Variants in QSER1 observed in about 807,000 individuals in gnomAD.
QSER1 encodes the protein glutamine and serine-rich protein 1.
A neutral mutation model predicts 158.5 loss-of-function variants in QSER1; 49 were observed. The ratio of observed to expected loss-of-function variants is 0.31; its 90% CI spans 0.25 to 0.39. The LOEUF (loss-of-function observed/expected upper bound fraction) is 0.39, where lower values mean the gene tolerates loss of function less well. QSER1 is among the 10% of genes least tolerant of loss of function. The pLI is 1.00. For synonymous variants in QSER1, 650 were observed against 715.5 expected (o/e 0.91, Z 1.46); for missense variants, 1,754 against 2,010.3 (o/e 0.87, Z 2.44).
intron 1 of QSER1, among the ~76,000 whole-genome samples, chr11:32,919,008 T>A (rs1851869262): frequency 1.3e-5 from 2 of 152,214 alleles, no homozygotes; most frequent in African/African-American, 4.8e-5. Context: ...GTATGGGACA[T>A]TTGTTACAGT....
chr11:32,954,091 A>T lies in QSER1; in HGVS notation c.4412A>T (p.Asp1471Val). ...ACTGTTGCCATAGAAGGTTTTACAG[A>T]TGAGGAGGACACAGAAAGCGGAGGA... ...QDTVAIEGFT[D>V]EEDTESGGEG... is the part of the protein sequence containing the mutation. The change falls in exon 5 of 13, where the codon GAT becomes GTT. Residue 1471 changes from aspartate to valine, a missense_variant. Around this residue, in one of 2 missense-constraint regions of QSER1, gnomAD observed 1,707 missense variants for 1,919.6 expected, o/e 0.89. Coordinates refer to ENST00000650167, the MANE Select transcript of QSER1 (RefSeq NM_001076786.3). The T allele has an allele frequency of 6.2e-7, 1 of 1,614,192 alleles. No homozygotes were observed. Among genetic ancestry groups the T allele is most frequent in the Non-Finnish European group, 8.5e-7 (1 of 1,180,038 alleles).
Position 32,933,478 on chromosome 11 carries a change from C to T in QSER1, c.2220C>T (p.Ile740=). 1.2e-6 allele frequency: 2 copies of T among 1,611,800 alleles called. No homozygotes were observed. Among genetic ancestry groups the T allele is most frequent in the Non-Finnish European group, 1.7e-6 (2 of 1,179,194 alleles). The change falls in exon 4 of 13, where the codon ATC becomes ATT. Residue 740 remains isoleucine, a synonymous_variant. Coordinates refer to ENST00000650167, the MANE Select transcript of QSER1 (RefSeq NM_001076786.3). ...ATGACAGATATTCTCAGAGTGTAAT[C>T]AGAAGTAATTCCCGTCTTGAAGATC... is the stretch of plus-strand genomic sequence containing the variant. ...KADDRYSQSV[I]RSNSRLEDQV...
Position 32,977,944 on chromosome 11 carries a change from A to G in QSER1, c.*1470A>G, listed in dbSNP as rs1475269127. The G allele has an allele frequency of 6.6e-6, 1 of 152,592 alleles. No individual in the cohort carries two copies. The highest frequency in any genetic ancestry group is 1.5e-5 in the Non-Finnish European group (1 of 68,028). 9.5% of individuals were successfully genotyped at this position (152,592 alleles called of 1,614,324 possible). A position where few individuals can be genotyped will look rare whatever the true frequency, so the allele number is the denominator to read the frequency against. On this transcript the variant is annotated 3_prime_UTR_variant, in exon 13 of 13. Transcript: ENST00000650167. Reference sequence around the variant, plus strand: ...GGATATTGCTATTGTCTTGCTTTTGAGTTAACAGGCCAACTTTTTATACTT... The same window carrying G: ...GGATATTGCTATTGTCTTGCTTTTGGGTTAACAGGCCAACTTTTTATACTT...
intron 1 of QSER1, among the ~76,000 whole-genome samples, chr11:32,924,391 A>C (rs1253477817): frequency 4.0e-5 from 6 of 151,852 alleles, no homozygotes; most frequent in Non-Finnish European, 7.4e-5. Flanking sequence ...AACATGGACA[A>C]GCTTTGTCTC....
chr11:32,916,193 G>A (rs911634643), intron 1 of QSER1, among the ~76,000 whole-genome samples: 3 of 152,138 alleles, frequency 2.0e-5, no homozygotes, highest in Non-Finnish European at 4.4e-5. Context: ...GAGCCACCGC[G>A]CTCGGCTGGA....
intron 1 of QSER1, among the ~76,000 whole-genome samples, chr11:32,926,300 G>C (rs1194009582): frequency 6.6e-6 from 1 of 152,128 alleles, no homozygotes. Context: ...ACTGGAATAT[G>C]ACCTATATAT....
At chr11:32,924,907 G>A (rs1249975592) in intron 1 of QSER1, among the ~76,000 whole-genome samples, 1 of 152,074 alleles carries the variant, frequency 6.6e-6, no homozygotes, top group Non-Finnish European at 1.5e-5. Flanking sequence ...GTAGCCCCCA[G>A]TTTCTATTAT....
Position 32,944,214 on chromosome 11 carries a change from G to GT in QSER1, c.4177+8785dup, listed in dbSNP as rs536609747. ...CCTGGATTCATTAATTTTTTGAAGG[G>GT]TTTTTTGTGTCTCTATTTCCTTCAG... On this transcript the variant is annotated intron_variant, in intron 4 of 12. Transcript: ENST00000650167. Among the ~76,000 whole-genome samples, 974 of 150,700 alleles carry GT rather than the reference G, an allele frequency of 6.5e-3. 9 individuals are homozygous for GT. The highest frequency in any genetic ancestry group is 0.023 in the African/African-American group (935 of 41,134).
At chr11:32,971,890 CA>C (rs1852866060) in intron 10 of QSER1, among the ~76,000 whole-genome samples, 1 of 151,926 alleles carries the variant, frequency 6.6e-6, no homozygotes, top group African/African-American at 2.4e-5. Context: ...AGAGAAACCC[CA>C]TCTCTACTAA....
intron 11 of QSER1, among the ~76,000 whole-genome samples, chr11:32,974,605 T>A (rs1852938187): frequency 6.6e-6 from 1 of 152,158 alleles, no homozygotes; most frequent in African/African-American, 2.4e-5. Flanking sequence ...AGAGATAGAT[T>A]TGTTCATTCT....
chr11:32,950,491 T>C (rs1021317439), intron 4 of QSER1, among the ~76,000 whole-genome samples: 1 of 152,244 alleles, frequency 6.6e-6, no homozygotes, highest in Non-Finnish European at 1.5e-5. Context: ...ATGTTATTTA[T>C]ATTTGTTCCT....
At chr11:32,963,974 T>C (rs1167248495) in intron 8 of QSER1, among the ~76,000 whole-genome samples, 1 of 152,156 alleles carries the variant, frequency 6.6e-6, no homozygotes, top group Non-Finnish European at 1.5e-5. Context: ...GCCCTAAGAC[T>C]GTTCTGGTTG....
chr11:32,957,782 TCTC>T (rs1336113413), intron 7 of QSER1, 84 bp from the exon 8 acceptor site: 133 of 1,067,062 alleles, frequency 1.2e-4, no homozygotes, highest in Admixed American at 6.9e-4. Context: ...TAGATAATCT[TCTC>T]CTGTGATTCT....
At chr11:32,966,572 T>C in intron 9 of QSER1, 135 bp downstream of exon 9, 2 of 702,088 alleles carry the variant, frequency 2.8e-6, no homozygotes, top group Non-Finnish European at 4.2e-6. Context: ...ATATAGCATC[T>C]TAATTCCATA....
chr11:32,946,935 G>A (rs1236653929), intron 4 of QSER1, among the ~76,000 whole-genome samples: 7 of 152,234 alleles, frequency 4.6e-5, no homozygotes, highest in East Asian at 1.9e-4. Context: ...CTCGTGGTGC[G>A]CCGTTTTTTA....
rs535752915 is a variant in QSER1, at chr11:32,903,800, T to G, written c.209+10466T>G. On this transcript the variant is annotated intron_variant, in intron 1 of 12. Coordinates refer to ENST00000650167, the MANE Select transcript of QSER1 (RefSeq NM_001076786.3). ...CTAATTTTTGTATTTTTAGTAGAGA[T>G]AGTGTTTCACTGTGTTGGGCAGGCT... Among the ~76,000 whole-genome samples, 10 of 152,146 alleles carry G rather than the reference T, an allele frequency of 6.6e-5. No homozygotes were observed. The East Asian group carries it at 1.4e-3, about 21-fold the overall frequency.
At chr11:32,909,856 G>A (rs1851744342) in intron 1 of QSER1, among the ~76,000 whole-genome samples, 1 of 152,232 alleles carries the variant, frequency 6.6e-6, no homozygotes, top group Admixed American at 6.5e-5. Flanking sequence ...GGTGTATTTT[G>A]ATTTTAGGAT....
Position 32,966,436 on chromosome 11 carries a change from T to C in QSER1, c.5106T>C (p.Asn1702=), listed in dbSNP as rs766460972. 1 of 1,610,858 alleles carries C rather than the reference T, an allele frequency of 6.2e-7. No homozygotes were observed. Among genetic ancestry groups the C allele is most frequent in the Non-Finnish European group, 8.5e-7 (1 of 1,179,046 alleles). The change falls in exon 9 of 13, where the codon AAT becomes AAC. Residue 1702 remains asparagine (N), a splice_region_variant and synonymous_variant. Coordinates refer to ENST00000650167, the MANE Select transcript of QSER1 (RefSeq NM_001076786.3). The part of the protein sequence containing the change: ...PDTMQALEKS[N]DELLLPHMKK... Reference sequence around the variant, plus strand: ...CAATGCAAGCCTTAGAGAAGAGCAATGGTACAGTCTTCTAAGTAGTACTTC... The same window carrying C: ...CAATGCAAGCCTTAGAGAAGAGCAACGGTACAGTCTTCTAAGTAGTACTTC...
rs768211652 is a variant in QSER1, at chr11:32,976,517, G to A, written c.*43G>A. ...CATCTTTTTATAGCACTAATGAAAT[G>A]GCAGATATGGGGTGGTCAAAGATAA... On this transcript the variant is annotated 3_prime_UTR_variant, in exon 13 of 13. Coordinates refer to ENST00000650167, the MANE Select transcript of QSER1 (RefSeq NM_001076786.3). 6.3e-7 allele frequency: 1 copy of A among 1,598,346 alleles called. No homozygotes were observed. The highest frequency in any genetic ancestry group is 1.3e-5 in the African/African-American group (1 of 74,086).
Sources: gnomAD v4.1 joint callset for allele counts (sites outside exome capture counted in the v4.1 genomes callset) on GRCh38, gnomAD v4.1.1 for gene constraint, gnomAD v4.1.1 regional missense constraint, MANE v1.5 for transcripts, NCBI Gene and HGNC (gene_info 2026-07-23, HGNC 2026-07-21) for gene names.